The following DYM variants were observed in gnomAD, a reference collection of about 807,000 sequenced individuals.
The protein encoded by DYM is dymeclin, also known as dyggve-Melchior-Clausen syndrome protein.
In DYM, 78 loss-of-function variants were observed where a neutral mutation model predicts 93.1. That is an observed-to-expected ratio of 0.84 (90% CI 0.70 to 1.01). The LOEUF (loss-of-function observed/expected upper bound fraction) is 1.01. Among genes scored for constraint, DYM ranks in the 50% least tolerant of loss-of-function variants. The probability of loss-of-function intolerance (pLI) is 0.00; values close to 1 mark genes in which losing one functional copy is unlikely to be tolerated. For synonymous variants in DYM, 321 were observed against 319.7 expected (o/e 1.00, Z -0.04); for missense variants, 789 against 845.0 (o/e 0.93, Z 0.82).
rs780065535 is a variant in DYM, at chr18:49,039,243, C to A, written c.*4812G>T. On this transcript the variant is annotated 3_prime_UTR_variant, in exon 18 of 18. Coordinates refer to ENST00000675505, the MANE Select transcript of DYM (RefSeq NM_001353214.3). ...ATAAAAGGCAGTATTTCACTGTCTT[C>A]CATTGTTTCTGCTGAGAAGGAGCTG... 6.6e-6 allele frequency among the ~76,000 whole-genome samples: 1 copy of A among 152,198 alleles called. No individual in the cohort carries two copies. The highest frequency in any genetic ancestry group is 1.5e-5 in the Non-Finnish European group (1 of 68,036).
chr18:49,405,383 G>A (rs1037826897), intron 2 of DYM, among the ~76,000 whole-genome samples: 2 of 152,106 alleles, frequency 1.3e-5, no homozygotes, highest in African/African-American at 4.8e-5. Flanking sequence ...CTGTGTTCTT[G>A]CATTTAAATC....
At chr18:49,199,781 T>C (rs1215322625) in intron 14 of DYM, among the ~76,000 whole-genome samples, 1 of 152,224 alleles carries the variant, frequency 6.6e-6, no homozygotes, top group Non-Finnish European at 1.5e-5. Context: ...GGAAACTCAT[T>C]AGAGCTTTGT....
chr18:49,230,042 G>C (rs2144377464), intron 13 of DYM, among the ~76,000 whole-genome samples: 1 of 152,232 alleles, frequency 6.6e-6, no homozygotes, highest in South Asian at 2.1e-4. Flanking sequence ...TAACAGAAGG[G>C]GGCTTGGGTA....
chr18:49,393,117 G>T lies in DYM; in HGVS notation c.141-1472C>A, dbSNP rs1490943454. 1.0e-4 allele frequency among the ~76,000 whole-genome samples: 9 copies of T among 90,032 alleles called. 1 individual carries two copies. The East Asian group carries it at 3.1e-3, about 31-fold the overall frequency. 59.1% of individuals were successfully genotyped at this position (90,032 alleles called of 152,430 possible). A position where few individuals can be genotyped will look rare whatever the true frequency, so the allele number is the denominator to read the frequency against. Reference sequence around the variant, plus strand: ...GGAAGGAAGGAAGGAAGGAAGGAAGGAAGGAAGGAAGGAAGGAAGGAAGGA... The same window carrying T: ...GGAAGGAAGGAAGGAAGGAAGGAAGTAAGGAAGGAAGGAAGGAAGGAAGGA... On this transcript the variant is annotated intron_variant, in intron 2 of 17. Coordinates refer to ENST00000675505, the MANE Select transcript of DYM (RefSeq NM_001353214.3).
rs1488796733 is a variant in DYM, at chr18:49,460,428, G to T, written c.-84C>A. On this transcript the variant is annotated 5_prime_UTR_variant, in exon 1 of 18. In the 5' UTR this introduces an upstream ATG that the reference lacks. Coordinates refer to ENST00000675505, the MANE Select transcript of DYM (RefSeq NM_001353214.3). ...TCAGCCGGCTGGGGGATCTGCTCCAGCTCCACGGACCCGCGGACGGATGGG... is the reference window on the plus strand; with the variant it reads ...TCAGCCGGCTGGGGGATCTGCTCCATCTCCACGGACCCGCGGACGGATGGG... 6.6e-6 allele frequency: 1 copy of T among 152,302 alleles called. No homozygotes were observed. Among genetic ancestry groups the T allele is most frequent in the East Asian group, 1.9e-4 (1 of 5,188 alleles). 9.4% of individuals were successfully genotyped at this position (152,302 alleles called of 1,614,324 possible).
chr18:49,422,081 G>T (rs1169872840), intron 2 of DYM, among the ~76,000 whole-genome samples: 1 of 152,184 alleles, frequency 6.6e-6, no homozygotes, highest in African/African-American at 2.4e-5. Context: ...AAAACACTCT[G>T]CAGGATATTA....
At chr18:49,359,940 T>C (rs1204763867) in intron 6 of DYM, 5 of 152,216 alleles carry the variant, frequency 3.3e-5, no homozygotes, top group African/African-American at 1.2e-4. Context: ...TGGTTTCACA[T>C]GGAAACTGTT....
At chr18:49,297,671 T>C (rs917048184) in intron 8 of DYM, among the ~76,000 whole-genome samples, 1 of 152,212 alleles carries the variant, frequency 6.6e-6, no homozygotes, top group African/African-American at 2.4e-5. Flanking sequence ...TGTTTTTATG[T>C]TGGGTGATTT....
intron 17 of DYM, among the ~76,000 whole-genome samples, chr18:49,060,748 G>GGA (rs528744840): frequency 8.8e-4 from 109 of 123,218 alleles, no homozygotes; most frequent in Middle Eastern, 4.3e-3. Context: ...GGAGAAGGAG[G>GGA]GAGAGAGAGA....
chr18:49,093,494 T>C (rs545887503), intron 17 of DYM, among the ~76,000 whole-genome samples: 3 of 152,140 alleles, frequency 2.0e-5, no homozygotes, highest in African/African-American at 4.8e-5. Flanking sequence ...TTTATAGCAA[T>C]AGACTGTGGG....
intron 15 of DYM, among the ~76,000 whole-genome samples, chr18:49,147,987 T>C (rs2085352618): frequency 6.6e-6 from 1 of 152,176 alleles, no homozygotes; most frequent in Non-Finnish European, 1.5e-5. Flanking sequence ...ATGTGGCACA[T>C]ATACACCATG....
At chr18:49,219,722 A>G (rs917415811) in intron 13 of DYM, among the ~76,000 whole-genome samples, 2 of 151,898 alleles carry the variant, frequency 1.3e-5, no homozygotes, top group African/African-American at 4.8e-5. Context: ...CATGCTAAAA[A>G]CTCTCAATAA....
At chr18:49,233,437 A>C (rs2093770283) in intron 13 of DYM, among the ~76,000 whole-genome samples, 1 of 152,140 alleles carries the variant, frequency 6.6e-6, no homozygotes, top group Non-Finnish European at 1.5e-5. Flanking sequence ...AGTCAGATGA[A>C]ATAGCTTCTA....
At chr18:49,135,973 C>T in intron 15 of DYM, among the ~76,000 whole-genome samples, 1 of 152,346 alleles carries the variant, frequency 6.6e-6, no homozygotes, top group Non-Finnish European at 1.5e-5. Flanking sequence ...TTATGGTTGT[C>T]TAATGAATGG....
rs766588748 is a variant in DYM at position 49,041,185 on chromosome 18, G to A, written c.*2870C>T. Reference sequence around the variant, plus strand: ...TAGATTGTATGACACCAGCCTCAACGGGTGACTGTGGGAACTAGAGTTAGA... The same window carrying A: ...TAGATTGTATGACACCAGCCTCAACAGGTGACTGTGGGAACTAGAGTTAGA... On this transcript the variant is annotated 3_prime_UTR_variant, in exon 18 of 18. Coordinates refer to ENST00000675505, the MANE Select transcript of DYM (RefSeq NM_001353214.3). 6.6e-6 allele frequency among the ~76,000 whole-genome samples: 1 copy of A among 152,166 alleles called. No homozygotes were observed. Among genetic ancestry groups the A allele is most frequent in the African/African-American group, 2.4e-5 (1 of 41,436 alleles).
chr18:49,124,508 C>CA (rs5824778), intron 15 of DYM, among the ~76,000 whole-genome samples: 13,187 of 131,718 alleles, frequency 0.1, 746 homozygotes, highest in East Asian at 0.26. Flanking sequence ...GACCCTGTCT[C>CA]AAAAAAAAAA....
rs528582268 is a variant in DYM at position 49,268,437 on chromosome 18, A to G, written c.1251+3741T>C. 2.6e-5 allele frequency among the ~76,000 whole-genome samples: 4 copies of G among 152,172 alleles called. 1 individual carries two copies. The South Asian group carries it at 8.3e-4, about 31-fold the overall frequency. On this transcript the variant is annotated intron_variant, in intron 11 of 17. Coordinates refer to ENST00000675505, the MANE Select transcript of DYM (RefSeq NM_001353214.3). ...GAACTGAACTTTCCCTATCTTACCA[A>G]CCCTGTTTTGGCAGTCAGCGAAGTT...
chr18:49,102,509 G>A (rs990881149), intron 16 of DYM, among the ~76,000 whole-genome samples: 1 of 151,986 alleles, frequency 6.6e-6, no homozygotes, highest in African/African-American at 2.4e-5. Context: ...TTTGTGTGCT[G>A]CACCCACTAA....
intron 8 of DYM, among the ~76,000 whole-genome samples, chr18:49,296,251 A>G (rs1338677950): frequency 6.6e-6 from 1 of 152,154 alleles, no homozygotes; most frequent in African/African-American, 2.4e-5. Context: ...AGAAGCATTC[A>G]TATGGAAAAA....
Sources: gnomAD v4.1 joint callset for allele counts (sites outside exome capture counted in the v4.1 genomes callset) on GRCh38, gnomAD v4.1.1 for gene constraint, MANE v1.5 for transcripts, NCBI Gene and HGNC (gene_info 2026-07-23, HGNC 2026-07-21) for gene names.